Variants in WDR70 observed in about 807,000 individuals in gnomAD.
WDR70 encodes WD repeat domain 70.
In WDR70, 53 loss-of-function variants were observed where a neutral mutation model predicts 88.6. The ratio of observed to expected loss-of-function variants is 0.60; its 90% confidence interval spans 0.48 to 0.75. WDR70 has a LOEUF of 0.75. Ranked by LOEUF, WDR70 falls within the 30% of genes least tolerant of loss-of-function variation. WDR70 has a pLI of 0.00. For synonymous variants in WDR70, 280 were observed against 270.0 expected (o/e 1.04, Z -0.36); for missense variants, 610 against 823.2 (o/e 0.74, Z 3.17).
At chr5:37,721,286 G>A (rs1317058366) in intron 14 of WDR70, 71 bp downstream of exon 14, 68 of 1,365,842 alleles carry the variant, frequency 5.0e-5, no homozygotes, top group Middle Eastern at 1.8e-4. Flanking sequence ...TCCCACCCCC[G>A]CTTTTATTTA....
intron 7 of WDR70, among the ~76,000 whole-genome samples, chr5:37,474,721 C>T (rs116298035): frequency 0.05 from 7,589 of 152,162 alleles, 207 homozygotes; most frequent in South Asian, 0.076. Context: ...ATGCTCTCCC[C>T]CTGCCACCCA....
At chr5:37,651,122 C>A (rs922170933) in intron 10 of WDR70, among the ~76,000 whole-genome samples, 34 of 152,040 alleles carry the variant, frequency 2.2e-4, no homozygotes, top group African/African-American at 8.0e-4. Flanking sequence ...AGCCCTCCAT[C>A]CCCCAACAAG....
chr5:37,485,626 A>C (rs1411214791), intron 8 of WDR70, among the ~76,000 whole-genome samples: 1 of 152,128 alleles, frequency 6.6e-6, no homozygotes. Context: ...CTGTAGTGCC[A>C]TTGGCTGTGA....
At chr5:37,719,844 C>CT (rs55870531) in intron 13 of WDR70, among the ~76,000 whole-genome samples, 4,688 of 141,126 alleles carry the variant, frequency 0.033, 267 homozygotes, top group African/African-American at 0.12. Context: ...TTCTTTCTTT[C>CT]TTTTTTTTTT....
At chr5:37,546,971 C>T (rs1342907466) in intron 9 of WDR70, among the ~76,000 whole-genome samples, 1 of 151,906 alleles carries the variant, frequency 6.6e-6, no homozygotes, top group African/African-American at 2.4e-5. Context: ...GTAGAAGTCT[C>T]CAAAGAGTTG....
intron 9 of WDR70, among the ~76,000 whole-genome samples, chr5:37,517,864 T>C (rs1463742848): frequency 2.0e-5 from 3 of 147,296 alleles, no homozygotes; most frequent in Non-Finnish European, 3.0e-5. Flanking sequence ...TTTTTTATTA[T>C]ATTATTATAT....
intron 10 of WDR70, among the ~76,000 whole-genome samples, chr5:37,649,678 T>C (rs1282015145): frequency 6.7e-6 from 1 of 150,196 alleles, no homozygotes; most frequent in East Asian, 2.0e-4. Context: ...TTATAGTACA[T>C]ATGTAAGCAC....
chr5:37,479,280 A>G (rs1739580688), intron 7 of WDR70, among the ~76,000 whole-genome samples: 1 of 151,944 alleles, frequency 6.6e-6, no homozygotes, highest in Admixed American at 6.6e-5. Context: ...ATATAAGGTA[A>G]TTAGAGAGAG....
intron 7 of WDR70, among the ~76,000 whole-genome samples, chr5:37,459,124 T>G (rs1401058684): frequency 5.6e-5 from 3 of 54,006 alleles, no homozygotes; most frequent in African/African-American, 2.0e-4. Context: ...AGTTTCCATG[T>G]AGTTGAGCGG....
intron 9 of WDR70, among the ~76,000 whole-genome samples, chr5:37,525,627 G>A (rs369614694): frequency 6.6e-6 from 1 of 152,120 alleles, no homozygotes; most frequent in Non-Finnish European, 1.5e-5. Context: ...AAATAACTAA[G>A]ATCAGAGCAG....
chr5:37,446,471 C>T (rs553251265), intron 7 of WDR70, among the ~76,000 whole-genome samples: 46 of 152,156 alleles, frequency 3.0e-4, no homozygotes, highest in Admixed American at 5.2e-4. Context: ...AAAAAGAGCC[C>T]GCATCGCCAA....
intron 5 of WDR70, among the ~76,000 whole-genome samples, chr5:37,416,295 T>A (rs1749747310): frequency 6.6e-6 from 1 of 152,292 alleles, no homozygotes; most frequent in South Asian, 2.1e-4. Flanking sequence ...GATCACTCGC[T>A]GTTAGGAGCT....
chr5:37,676,432 T>G (rs1282300129), intron 10 of WDR70, among the ~76,000 whole-genome samples: 1 of 151,978 alleles, frequency 6.6e-6, no homozygotes, highest in Non-Finnish European at 1.5e-5. Context: ...TTCTTGAGAG[T>G]TTTTAGCATG....
chr5:37,504,877 G>T (rs1740513565), intron 8 of WDR70, among the ~76,000 whole-genome samples: 1 of 152,076 alleles, frequency 6.6e-6, no homozygotes, highest in South Asian at 2.1e-4. Flanking sequence ...CTGCTCTTGG[G>T]GTAGATATAA....
chr5:37,750,152 T>G (rs758561737), intron 17 of WDR70, among the ~76,000 whole-genome samples: 12 of 152,196 alleles, frequency 7.9e-5, no homozygotes, highest in Non-Finnish European at 1.2e-4. Flanking sequence ...TCTTTCTAGC[T>G]GTTGTTATGT....
At chr5:37,468,902 A>G (rs1739243225) in intron 7 of WDR70, among the ~76,000 whole-genome samples, 1 of 152,210 alleles carries the variant, frequency 6.6e-6, no homozygotes, top group Admixed American at 6.5e-5. Flanking sequence ...GGTGATGTGC[A>G]AATACTGTGT....
At chr5:37,468,005 C>T (rs1168813594) in intron 7 of WDR70, among the ~76,000 whole-genome samples, 2 of 152,028 alleles carry the variant, frequency 1.3e-5, no homozygotes, top group Non-Finnish European at 2.9e-5. Flanking sequence ...TGAGCCACCG[C>T]GCCTGGCCTA....
intron 9 of WDR70, among the ~76,000 whole-genome samples, chr5:37,549,088 T>C (rs1261885869): frequency 2.0e-5 from 3 of 152,226 alleles, no homozygotes; most frequent in Non-Finnish European, 4.4e-5. Flanking sequence ...TCCTCCAGTA[T>C]TCTTCTTTTT....
intron 8 of WDR70, among the ~76,000 whole-genome samples, chr5:37,497,864 CAGGCTAG>C (rs1740277719): frequency 6.6e-6 from 1 of 152,056 alleles, no homozygotes; most frequent in Admixed American, 6.5e-5. Flanking sequence ...CTCTGTCACC[CAGGCTAG>C]AGTGCAGTGG....
Sources: gnomAD v4.1 joint callset for allele counts (sites outside exome capture counted in the v4.1 genomes callset) on GRCh38, gnomAD v4.1.1 for gene constraint, MANE v1.5 for transcripts, NCBI Gene and HGNC (gene_info 2026-07-23, HGNC 2026-07-21) for gene names.